YTHDC2: variants seen among roughly 807,000 people sequenced by gnomAD.
The protein encoded by YTHDC2 is YTH N6-methyladenosine RNA binding protein C2.
In YTHDC2, 45 loss-of-function variants were observed where a neutral mutation model predicts 174.9. The observed-to-expected ratio is 0.26, with a 90% CI of 0.20 to 0.33. The LOEUF is 0.33. Among genes scored for constraint, YTHDC2 ranks in the 10% least tolerant of loss-of-function variants. The pLI, the probability that YTHDC2 is intolerant of heterozygous loss-of-function variation, is 1.00. For synonymous variants in YTHDC2, 657 were observed against 574.5 expected (o/e 1.14, Z -2.05); for missense variants, 1,650 against 1,723.7 (o/e 0.96, Z 0.76).
At position 113,565,965 on chromosome 5, in the gene YTHDC2, A is replaced by G. The variant is rs375151343; in HGVS notation, c.2788A>G (p.Met930Val). 20 of 1,613,524 alleles carry G rather than the reference A, an allele frequency of 1.2e-5. No individual in the cohort carries two copies. The highest frequency in any genetic ancestry group is 2.2e-5 in the East Asian group (1 of 44,822). ...CEKNFLSQAT[M>V]EIIIGMRTQL... is the part of the protein sequence containing the mutation. ...AAAGAATTTTCTTTCACAGGCTACT[A>G]TGGAAATAATCATAGGCATGAGAAC... The change falls in exon 21 of 30, where the codon ATG becomes GTG. Residue 930 changes from methionine to valine, a missense_variant. Transcript: ENST00000161863.
At chr5:113,536,885 A>G (rs868475586) in intron 7 of YTHDC2, among the ~76,000 whole-genome samples, 3 of 152,218 alleles carry the variant, frequency 2.0e-5, no homozygotes, top group African/African-American at 4.8e-5. Context: ...TGGCTAATAC[A>G]TTATTTGCAA....
At position 113,526,794 on chromosome 5, in the gene YTHDC2, CT is replaced by C; in HGVS notation, c.675+15del. The stretch of plus-strand genomic sequence containing the variant: ...CTGGAAAGACCACACAGGTTTGTTT[CT>C]TTTTTGTTGTTTATAGAAAAAAAAA... On this transcript the variant is annotated intron_variant, in intron 4 of 29. Coordinates refer to ENST00000161863, the MANE Select transcript of YTHDC2 (RefSeq NM_022828.5). The C allele has an allele frequency of 8.9e-7, 1 of 1,118,128 alleles. No individual in the cohort carries two copies. The highest frequency in any genetic ancestry group is 1.1e-6 in the Non-Finnish European group (1 of 893,644). The allele number at this position is 1,118,128 out of a possible 1,614,324, so 69.3% of individuals were successfully genotyped here.
chr5:113,574,025 TGGA>T (rs1777888205), intron 23 of YTHDC2, among the ~76,000 whole-genome samples: 3 of 152,184 alleles, frequency 2.0e-5, no homozygotes, highest in Admixed American at 1.3e-4. Context: ...CACAATCATT[TGGA>T]GGAGAAGAGG....
chr5:113,548,405 T>C (rs909161131), intron 10 of YTHDC2, 136 bp from the exon 11 acceptor site: 11 of 747,660 alleles, frequency 1.5e-5, no homozygotes, highest in Admixed American at 3.1e-5. Context: ...TGTAGTGCTG[T>C]CATTATGTAG....
chr5:113,590,501 A>T (rs76492950), intron 26 of YTHDC2, among the ~76,000 whole-genome samples: 5,008 of 152,124 alleles, frequency 0.033, 269 homozygotes, highest in African/African-American at 0.11. Context: ...TTTCTCACTC[A>T]TGTTCAGGTC....
rs539334926 is a variant in YTHDC2 at position 113,550,283 on chromosome 5, A to G, written c.1688+1263A>G. On this transcript the variant is annotated intron_variant, in intron 12 of 29. Coordinates refer to ENST00000161863, the MANE Select transcript of YTHDC2 (RefSeq NM_022828.5). ...CTAGAGGGAGGTCTCTGTGGGGGAA[A>G]AATTTACCTGGCATTGTCAATCATA... Among the ~76,000 whole-genome samples the G allele has an allele frequency of 9.1e-4, 139 of 152,116 alleles. 3 individuals are homozygous for G. In the South Asian group the frequency reaches 0.029, roughly 31 times the overall value.
At chr5:113,552,136 T>C (rs562471434) in intron 12 of YTHDC2, among the ~76,000 whole-genome samples, 17 of 152,272 alleles carry the variant, frequency 1.1e-4, no homozygotes, top group African/African-American at 4.1e-4. Context: ...TAAGAAAATA[T>C]AAATGATAGC....
Position 113,533,073 on chromosome 5 carries a change from T to C in YTHDC2, c.842+28T>C, listed in dbSNP as rs188169732. 161 of 1,601,758 alleles carry C rather than the reference T, an allele frequency of 1.0e-4. No homozygotes were observed. The African/African-American group carries it at 2.1e-3, about 21-fold the overall frequency. ...AAAAACAGTTCTCATGTATCTTCTC[T>C]TTTATCATGCTTAAAAAAGACTATG... On this transcript the variant is annotated intron_variant, in intron 5 of 29. Coordinates refer to ENST00000161863, the MANE Select transcript of YTHDC2 (RefSeq NM_022828.5).
chr5:113,525,226 T>C, intron 3 of YTHDC2, 49 bp downstream of exon 3: 1 of 1,394,102 alleles, frequency 7.2e-7, no homozygotes. Flanking sequence ...ATTTGATGAC[T>C]GTTCTTTTTC....
At chr5:113,519,679 C>T (rs1427057271) in intron 2 of YTHDC2, among the ~76,000 whole-genome samples, 1 of 152,152 alleles carries the variant, frequency 6.6e-6, no homozygotes, top group Non-Finnish European at 1.5e-5. Context: ...ATCGGCAGGG[C>T]TGCATTCCTT....
intron 26 of YTHDC2, among the ~76,000 whole-genome samples, chr5:113,585,380 G>T (rs754717668): frequency 1.3e-5 from 2 of 152,058 alleles, no homozygotes; most frequent in Non-Finnish European, 2.9e-5. Context: ...GTATTTTGGC[G>T]AATGTGCCTG....
rs1361376512 is a variant in YTHDC2 at position 113,514,916 on chromosome 5, A to G, written c.188-356A>G. Among the ~76,000 whole-genome samples the G allele has an allele frequency of 2.0e-5, 3 of 152,242 alleles. No homozygotes were observed. In the East Asian group the frequency reaches 5.8e-4, roughly 29 times the overall value. On this transcript the variant is annotated intron_variant, in intron 1 of 29. Coordinates refer to ENST00000161863, the MANE Select transcript of YTHDC2 (RefSeq NM_022828.5). ...AGAAAATAAACATTTTGTTAACTAA[A>G]CAAGTAGGGACCAAGTTAAATATGT...
Position 113,553,829 on chromosome 5 carries a change from A to G in YTHDC2, c.2027A>G (p.Asn676Ser). Residue 676 changes from asparagine to serine, a missense_variant, in exon 15 of 30, where the codon AAC becomes AGC. Around this residue, in one of 5 missense-constraint regions of YTHDC2, gnomAD observed 913 missense variants for 940.4 expected, o/e 0.97. Coordinates refer to ENST00000161863, the MANE Select transcript of YTHDC2 (RefSeq NM_022828.5). ...QTSDQKKVLKNPPAGVRKIIL... is the reference protein window; with the variant it reads ...QTSDQKKVLKSPPAGVRKIIL... ...TCCGATCAAAAGAAAGTATTAAAAA[A>G]CCCACCTGCAGGTGTTCGAAAAATA... 6.2e-7 allele frequency: 1 copy of G among 1,611,960 alleles called. No homozygotes were observed. Among genetic ancestry groups the G allele is most frequent in the East Asian group, 2.2e-5 (1 of 44,844 alleles).
chr5:113,579,948 T>C, intron 24 of YTHDC2: 1 of 981,356 alleles, frequency 1.0e-6, no homozygotes, highest in Non-Finnish European at 1.2e-6. Flanking sequence ...GCTGCTATAG[T>C]AATTTATAAA....
chr5:113,591,122 A>G lies in YTHDC2; in HGVS notation c.3907A>G (p.Ile1303Val). Residue 1303 changes from isoleucine (I) to valine (V), a missense_variant, in exon 27 of 30, where the codon ATT (isoleucine) becomes GTT (valine). This residue lies in a region of YTHDC2 where 913 missense variants were observed against 940.4 expected (regional missense o/e 0.97). Transcript: ENST00000161863. ...GAGTAGCAATTTGAGAAACCTTGAA[A>G]TTTCTCAACAGAAGGGTATCTGGTC... is the stretch of plus-strand genomic sequence containing the variant. ...MKSSNLRNLE[I>V]SQQKGIWSTT... The G allele has an allele frequency of 1.2e-6, 2 of 1,613,924 alleles. No homozygotes were observed. The highest frequency in any genetic ancestry group is 1.7e-6 in the Non-Finnish European group (2 of 1,179,868).
At chr5:113,564,499 AATTAT>A (rs1446911985) in intron 20 of YTHDC2, among the ~76,000 whole-genome samples, 2 of 152,204 alleles carry the variant, frequency 1.3e-5, no homozygotes, top group Non-Finnish European at 2.9e-5. Context: ...CTTATAAGAA[AATTAT>A]ATTGATGTAA....
chr5:113,576,140 G>A (rs1481902359), intron 23 of YTHDC2, among the ~76,000 whole-genome samples: 1 of 152,036 alleles, frequency 6.6e-6, no homozygotes, highest in Non-Finnish European at 1.5e-5. Flanking sequence ...TGCATTTTTG[G>A]AGCTCAGGGA....
chr5:113,588,344 A>AC (rs2112815331), intron 26 of YTHDC2, among the ~76,000 whole-genome samples: 2 of 151,780 alleles, frequency 1.3e-5, no homozygotes, highest in South Asian at 4.2e-4. Context: ...TTATGTTTAT[A>AC]CCCCACTTGG....
chr5:113,553,155 GTC>G lies in YTHDC2; in HGVS notation c.1689-24_1689-23del. The G allele has an allele frequency of 3.7e-6, 4 of 1,092,444 alleles. 1 individual carries two copies. Among genetic ancestry groups the G allele is most frequent in the Admixed American group, 4.5e-5 (1 of 22,392 alleles). 67.7% of individuals were successfully genotyped at this position (1,092,444 alleles called of 1,614,324 possible). A position where few individuals can be genotyped will look rare whatever the true frequency, so the allele number is the denominator to read the frequency against. On this transcript the variant is annotated intron_variant, in intron 12 of 29. Transcript: ENST00000161863. ...ACTTTTGTTAATGGAAATTGACTTT[GTC>G]TTTTTTTTTTTTTTTTTTTTCAGTG...
Sources: allele counts gnomAD v4.1 joint callset (sites outside exome capture counted in the v4.1 genomes callset), GRCh38; gene constraint gnomAD v4.1.1; regional missense constraint gnomAD v4.1.1; transcripts MANE v1.5; gene names NCBI Gene and HGNC (gene_info 2026-07-23, HGNC 2026-07-21).